The following SPAG16 variants were observed in gnomAD, a reference collection of about 807,000 sequenced individuals.
SPAG16 encodes the protein sperm-associated antigen 16 protein.
A neutral mutation model predicts 80.4 loss-of-function variants in SPAG16; 86 were observed. That is an observed-to-expected ratio of 1.07 (90% CI 0.90 to 1.28). The LOEUF is 1.28. Ranked by LOEUF, SPAG16 falls within the 50% of genes most tolerant of loss-of-function variation. SPAG16 has a pLI of 0.00. For synonymous variants in SPAG16, 294 were observed against 265.9 expected, an observed-to-expected ratio of 1.11 and a Z score of -1.03; for missense variants, 870 against 765.3, an observed-to-expected ratio of 1.14 and a Z score of -1.61.
chr2:213,631,199 C>G (rs2062137964), intron 10 of SPAG16, among the ~76,000 whole-genome samples: 1 of 151,890 alleles, frequency 6.6e-6, no homozygotes, highest in Non-Finnish European at 1.5e-5. Flanking sequence ...AAGTACCCCC[C>G]CAAAAAAAGA....
At position 213,913,598 on chromosome 2, in the gene SPAG16, T is replaced by C. The variant is rs1232103239; in HGVS notation, c.1215-16362T>C. 2.0e-3 allele frequency among the ~76,000 whole-genome samples: 16 copies of C among 8,204 alleles called. 2 individuals carry two copies. Among genetic ancestry groups the C allele is most frequent in the African/African-American group, 2.6e-3 (16 of 6,228 alleles). 5.4% of individuals were successfully genotyped at this position (8,204 alleles called of 152,430 possible). On this transcript the variant is annotated intron_variant, in intron 11 of 15. Transcript: ENST00000331683. The stretch of plus-strand genomic sequence containing the variant: ...ATATATGTACATGTACATATATGTA[T>C]ATGTACATGTACATATATGTATATG...
intron 9 of SPAG16, among the ~76,000 whole-genome samples, chr2:213,446,056 C>T (rs1416032111): frequency 6.6e-6 from 1 of 152,144 alleles, no homozygotes; most frequent in Non-Finnish European, 1.5e-5. Context: ...CATAGTCAAA[C>T]CCTAAAGAGC....
At chr2:213,845,446 T>C (rs898462032) in intron 10 of SPAG16, among the ~76,000 whole-genome samples, 1 of 152,122 alleles carries the variant, frequency 6.6e-6, no homozygotes, top group African/African-American at 2.4e-5. Context: ...TCCACCCTCT[T>C]CGGCCTCCCA....
chr2:213,685,129 A>G (rs1265898483), intron 10 of SPAG16, among the ~76,000 whole-genome samples: 2 of 152,240 alleles, frequency 1.3e-5, no homozygotes, highest in African/African-American at 4.8e-5. Context: ...GAAGGAGTGT[A>G]ACAAACACAG....
intron 11 of SPAG16, among the ~76,000 whole-genome samples, chr2:213,863,257 T>G (rs1430565954): frequency 6.6e-6 from 1 of 152,158 alleles, no homozygotes; most frequent in African/African-American, 2.4e-5. Flanking sequence ...CTCATCATAC[T>G]TCTTGGATCT....
At chr2:214,340,338 A>G (rs1158515035) in intron 15 of SPAG16, among the ~76,000 whole-genome samples, 2 of 152,160 alleles carry the variant, frequency 1.3e-5, no homozygotes, top group African/African-American at 4.8e-5. Flanking sequence ...AGCGTTATCC[A>G]TTTTTGCATC....
intron 11 of SPAG16, among the ~76,000 whole-genome samples, chr2:213,919,172 T>C (rs1317950134): frequency 6.6e-6 from 1 of 152,132 alleles, no homozygotes; most frequent in Admixed American, 6.5e-5. Context: ...GTTATTTCTT[T>C]TGTGAGTTTT....
At chr2:213,757,583 A>G (rs1367406666) in intron 10 of SPAG16, among the ~76,000 whole-genome samples, 1 of 152,178 alleles carries the variant, frequency 6.6e-6, no homozygotes, top group African/African-American at 2.4e-5. Flanking sequence ...ATATATAACT[A>G]TTTTGGATTT....
chr2:213,796,127 C>T lies in SPAG16; in HGVS notation c.1071-66358C>T, dbSNP rs111562816. Among the ~76,000 whole-genome samples the T allele has an allele frequency of 5.9e-5, 9 of 152,142 alleles. 1 individual carries two copies. The highest frequency in any genetic ancestry group is 1.9e-4 in the African/African-American group (8 of 41,542). On this transcript the variant is annotated intron_variant, in intron 10 of 15. Coordinates refer to ENST00000331683, the MANE Select transcript of SPAG16 (RefSeq NM_024532.5). ...TTAAAAATTTTTATTACAGATCTTT[C>T]GTGGGATTCTCAAATATTTTTGCAT...
chr2:214,025,837 A>T lies in SPAG16; in HGVS notation c.1527+11760A>T, dbSNP rs796701632. On this transcript the variant is annotated intron_variant, in intron 13 of 15. Transcript: ENST00000331683. ...GAAGACAAGCTGCCTTGCATACCCT[A>T]CTGTTATGACACTTGTGCATTCTAT... 2.0e-5 allele frequency among the ~76,000 whole-genome samples: 3 copies of T among 151,648 alleles called. 1 individual carries two copies. Among genetic ancestry groups the T allele is most frequent in the African/African-American group, 7.2e-5 (3 of 41,504 alleles).
intron 15 of SPAG16, among the ~76,000 whole-genome samples, chr2:214,279,610 G>C (rs1356104755): frequency 6.6e-6 from 1 of 152,088 alleles, no homozygotes; most frequent in East Asian, 1.9e-4. Context: ...AGATACAGAA[G>C]GAACCCCAAA....
chr2:213,917,366 G>A (rs1243248628), intron 11 of SPAG16, among the ~76,000 whole-genome samples: 1 of 152,212 alleles, frequency 6.6e-6, no homozygotes, highest in Non-Finnish European at 1.5e-5. Flanking sequence ...GCTTTGGGCA[G>A]TATGGCCATT....
intron 15 of SPAG16, among the ~76,000 whole-genome samples, chr2:214,285,400 GC>G (rs1179373083): frequency 6.6e-6 from 1 of 151,946 alleles, no homozygotes. Context: ...TCAGATGTAT[GC>G]CTTGCAAACA....
chr2:213,835,723 G>A (rs547829538), intron 10 of SPAG16, among the ~76,000 whole-genome samples: 2 of 152,132 alleles, frequency 1.3e-5, no homozygotes, highest in East Asian at 1.9e-4. Flanking sequence ...TGTTAATATT[G>A]TACATTCTCA....
At chr2:214,098,670 C>A (rs1334742176) in intron 13 of SPAG16, among the ~76,000 whole-genome samples, 1 of 152,066 alleles carries the variant, frequency 6.6e-6, no homozygotes, top group Non-Finnish European at 1.5e-5. Context: ...CTTTAGCAAA[C>A]TAGTATAAAC....
chr2:213,485,527 A>G (rs2073938567), intron 9 of SPAG16, among the ~76,000 whole-genome samples: 1 of 149,646 alleles, frequency 6.7e-6, no homozygotes, highest in Non-Finnish European at 1.5e-5. Context: ...TCTTTTGCAT[A>G]TTTCTACTCT....
intron 10 of SPAG16, among the ~76,000 whole-genome samples, chr2:213,761,575 A>G (rs756768508): frequency 5.9e-5 from 9 of 152,330 alleles, no homozygotes; most frequent in Non-Finnish European, 5.9e-5. Context: ...AAAAAGGGAC[A>G]TTCAGGCTGG....
chr2:213,476,695 C>T (rs917896478), intron 9 of SPAG16, among the ~76,000 whole-genome samples: 1 of 152,154 alleles, frequency 6.6e-6, no homozygotes, highest in African/African-American at 2.4e-5. Flanking sequence ...GAGTGGCACC[C>T]AGTGGCTTCT....
At chr2:213,722,735 C>G (rs1022145063) in intron 10 of SPAG16, among the ~76,000 whole-genome samples, 1 of 152,064 alleles carries the variant, frequency 6.6e-6, no homozygotes, top group Non-Finnish European at 1.5e-5. Context: ...GTGTAACATG[C>G]AGATTGACTC....
Sources: allele counts gnomAD v4.1 joint callset (sites outside exome capture counted in the v4.1 genomes callset), GRCh38; gene constraint gnomAD v4.1.1; transcripts MANE v1.5; gene names NCBI Gene and HGNC (gene_info 2026-07-23, HGNC 2026-07-21).